The following LMX1B variants were observed in gnomAD, a reference collection of about 807,000 sequenced individuals.
LMX1B encodes LIM homeobox transcription factor 1-beta.
Under a neutral mutation model 51.4 loss-of-function variants are expected in LMX1B, and 12 were observed. The ratio of observed to expected loss-of-function variants is 0.23; its 90% confidence interval spans 0.15 to 0.38. The LOEUF is 0.38. Among genes scored for constraint, LMX1B ranks in the 10% least tolerant of loss-of-function variants. The pLI is 1.00. For missense variants in LMX1B, 445 were observed against 571.1 expected, an observed-to-expected ratio of 0.78 and a Z score of 2.25; for synonymous variants, 237 against 235.4, an observed-to-expected ratio of 1.01 and a Z score of -0.06.
chr9:126,644,126 G>A (rs1340624824), intron 2 of LMX1B, among the ~76,000 whole-genome samples: 1 of 152,118 alleles, frequency 6.6e-6, no homozygotes, highest in Non-Finnish European at 1.5e-5. Flanking sequence ...GCCAGGTAAC[G>A]GGGCTGGTGG....
intron 2 of LMX1B, among the ~76,000 whole-genome samples, chr9:126,639,081 A>G (rs577603334): frequency 2.0e-5 from 3 of 146,490 alleles, no homozygotes; most frequent in African/African-American, 7.6e-5. Context: ...AGAATTGGAG[A>G]GGAGAGAAGA....
chr9:126,614,484 G>A lies in LMX1B; in HGVS notation c.35G>A (p.Arg12Lys). Reference sequence around the variant, plus strand: ...GCAACAGGTCCCGAGTCGCTGGAGAGGTGCTTCCCTCGCGGGCAGACGGAC... The same window carrying A: ...GCAACAGGTCCCGAGTCGCTGGAGAAGTGCTTCCCTCGCGGGCAGACGGAC... ...DIATGPESLE[R>K]CFPRGQTDCA... is the part of the protein sequence containing the mutation. The change falls in exon 1 of 8, where the codon AGG (arginine) becomes AAG (lysine). Residue 12 changes from arginine (R) to lysine (K), a missense_variant. Transcript: ENST00000373474. The A allele has an allele frequency of 2.5e-6, 4 of 1,599,402 alleles. No individual in the cohort carries two copies. Among genetic ancestry groups the A allele is most frequent in the Non-Finnish European group, 3.4e-6 (4 of 1,173,788 alleles).
chr9:126,644,163 G>T (rs377247593), intron 2 of LMX1B, among the ~76,000 whole-genome samples: 1 of 152,130 alleles, frequency 6.6e-6, no homozygotes, highest in South Asian at 2.1e-4. Flanking sequence ...CCGGGTCCTC[G>T]GTGTCCTGTG....
chr9:126,662,034 G>T (rs1836257492), intron 2 of LMX1B, among the ~76,000 whole-genome samples: 1 of 152,302 alleles, frequency 6.6e-6, no homozygotes, highest in Admixed American at 6.5e-5. Context: ...ACACCTGCGG[G>T]GCAGCCGAGC....
intron 2 of LMX1B, among the ~76,000 whole-genome samples, chr9:126,684,096 G>A (rs1836727314): frequency 6.6e-6 from 1 of 152,080 alleles, no homozygotes; most frequent in African/African-American, 2.4e-5. Flanking sequence ...GGTGTAGCCG[G>A]TGGGAACAGA....
chr9:126,692,798 G>A (rs1448340426), intron 3 of LMX1B, among the ~76,000 whole-genome samples: 2 of 152,268 alleles, frequency 1.3e-5, no homozygotes, highest in African/African-American at 4.8e-5. Context: ...CTGAAAGTGT[G>A]TGCAGCCACA....
chr9:126,672,968 G>A (rs904139234), intron 2 of LMX1B, among the ~76,000 whole-genome samples: 8 of 152,206 alleles, frequency 5.3e-5, no homozygotes, highest in Admixed American at 3.9e-4. Flanking sequence ...TGCGCCTCTC[G>A]CCGCCCACCT....
At position 126,696,359 on chromosome 9, in the gene LMX1B, C is replaced by G. The variant is rs756471279; in HGVS notation, c.1117C>G (p.Leu373Val). The G allele has an allele frequency of 6.8e-6, 11 of 1,614,128 alleles. No individual in the cohort carries two copies. Among genetic ancestry groups the G allele is most frequent in the Middle Eastern group, 1.7e-4 (1 of 6,060 alleles). The change falls in exon 8 of 8, where the codon CTC becomes GTC. Residue 373 changes from leucine (L) to valine (V), a missense_variant. Coordinates refer to ENST00000373474, the MANE Select transcript of LMX1B (RefSeq NM_001174147.2). Reference sequence around the variant, plus strand: ...CTTAACCAGCCTCAGCGACTGCTTCCTCGGCTCCTCAGACGTGGGCTCCCT... The same window carrying G: ...CTTAACCAGCCTCAGCGACTGCTTCGTCGGCTCCTCAGACGTGGGCTCCCT... ...TSLTSLSDCFLGSSDVGSLQA... is the reference protein window; with the variant it reads ...TSLTSLSDCFVGSSDVGSLQA...
At position 126,615,503 on chromosome 9, in the gene LMX1B, A is replaced by G; in HGVS notation, c.260A>G (p.Gln87Arg). ...GAGTGTTTGCAGTGCGCGGCGTGTC[A>G]GCAAGCCCTCACCACCAGCTGCTAC... ...HEECLQCAAC[Q>R]QALTTSCYFR... Residue 87 changes from glutamine to arginine, a missense_variant, in exon 2 of 8, where the codon CAG (glutamine) becomes CGG (arginine). By Grantham distance (43) the Gln-to-Arg change is conservative. This residue lies in a region of LMX1B where 273 missense variants were observed against 343.3 expected (regional missense o/e 0.80). Transcript: ENST00000373474. This position sits in a 1 kb window ranked among gnomAD's most constrained non-coding sequence, Gnocchi z 6.0. 6.2e-7 allele frequency: 1 copy of G among 1,611,906 alleles called. No homozygotes were observed. The highest frequency in any genetic ancestry group is 2.2e-5 in the East Asian group (1 of 44,720).
intron 3 of LMX1B, among the ~76,000 whole-genome samples, chr9:126,692,859 A>T (rs1251115799): frequency 1.3e-5 from 2 of 152,194 alleles, no homozygotes; most frequent in Non-Finnish European, 2.9e-5. Context: ...CACCTGTGTG[A>T]GTTCCTGTGC....
At chr9:126,632,334 T>G (rs1292545977) in intron 2 of LMX1B, among the ~76,000 whole-genome samples, 1 of 151,780 alleles carries the variant, frequency 6.6e-6, no homozygotes, top group African/African-American at 2.4e-5. Flanking sequence ...TTGGGAGGAT[T>G]TGGGGAGGGC....
At position 126,615,519 on chromosome 9, in the gene LMX1B, C is replaced by T. The variant is rs1465214386; in HGVS notation, c.276C>T (p.Thr92=). The T allele has an allele frequency of 1.2e-6, 2 of 1,611,750 alleles. No homozygotes were observed. The highest frequency in any genetic ancestry group is 1.7e-5 in the Admixed American group (1 of 59,842). The part of the protein sequence containing the change: ...QCAACQQALT[T]SCYFRDRKLY... Reference sequence around the variant, plus strand: ...CGGCGTGTCAGCAAGCCCTCACCACCAGCTGCTACTTCCGGGATCGGAAAC... The same window carrying T: ...CGGCGTGTCAGCAAGCCCTCACCACTAGCTGCTACTTCCGGGATCGGAAAC... Residue 92 remains threonine, a synonymous_variant, in exon 2 of 8, where the codon ACC becomes ACT. Transcript: ENST00000373474. The surrounding 1 kb of genome is among the most constrained non-coding windows in gnomAD (Gnocchi z 6.0).
chr9:126,667,159 A>G (rs1022390260), intron 2 of LMX1B, among the ~76,000 whole-genome samples: 2 of 152,172 alleles, frequency 1.3e-5, no homozygotes, highest in Non-Finnish European at 2.9e-5. Context: ...GGCCTTTCCT[A>G]CAACATAGGA....
At chr9:126,680,732 C>T (rs2118965453) in intron 2 of LMX1B, among the ~76,000 whole-genome samples, 1 of 152,188 alleles carries the variant, frequency 6.6e-6, no homozygotes, top group Middle Eastern at 3.4e-3. Flanking sequence ...ACCAAATCAT[C>T]AAATGTATTG....
rs920121666 is a variant in LMX1B at position 126,671,208 on chromosome 9, G to T, written c.327-19628G>T. On this transcript the variant is annotated intron_variant, in intron 2 of 7. Coordinates refer to ENST00000373474, the MANE Select transcript of LMX1B (RefSeq NM_001174147.2). The surrounding 1 kb of genome is among the most constrained non-coding windows in gnomAD (Gnocchi z 4.4). ...CCCAGCTCTGCTTCGCCACCGCCGA[G>T]CTCTGAGCTGGGGGGAGGGGACCCC... 3.3e-5 allele frequency among the ~76,000 whole-genome samples: 5 copies of T among 152,244 alleles called. No individual in the cohort carries two copies. Among genetic ancestry groups the T allele is most frequent in the African/African-American group, 1.2e-4 (5 of 41,462 alleles).
intron 2 of LMX1B, among the ~76,000 whole-genome samples, chr9:126,656,433 A>AGATAGAT (rs1564156995): frequency 2.1e-5 from 3 of 146,328 alleles, no homozygotes; most frequent in Admixed American, 6.9e-5. Flanking sequence ...ATAGATAGAT[A>AGATAGAT]GATAGGATAG....
intron 2 of LMX1B, among the ~76,000 whole-genome samples, chr9:126,681,939 C>T (rs1475471188): frequency 2.0e-5 from 3 of 151,430 alleles, no homozygotes; most frequent in Non-Finnish European, 4.4e-5. Context: ...AAATGCCAAT[C>T]AGATCACACC....
In LMX1B at chr9:126,695,701, TG is replaced by T; in HGVS notation, c.887-134del. The T allele has an allele frequency of 1.1e-6, 1 of 904,668 alleles. No individual in the cohort carries two copies. The highest frequency in any genetic ancestry group is 1.7e-6 in the Non-Finnish European group (1 of 577,540). 56.0% of individuals were successfully genotyped at this position (904,668 alleles called of 1,614,324 possible). ...TGGAGTGTGCACCTGGGGAAGGGGC[TG>T]GGGAGTCAGTGTCTGGACAGCTTCA... On this transcript the variant is annotated intron_variant, in intron 6 of 7. Coordinates refer to ENST00000373474, the MANE Select transcript of LMX1B (RefSeq NM_001174147.2). This position sits in a 1 kb window ranked among gnomAD's most constrained non-coding sequence, Gnocchi z 5.2.
intron 2 of LMX1B, among the ~76,000 whole-genome samples, chr9:126,630,811 A>T (rs926919834): frequency 6.6e-6 from 1 of 152,252 alleles, no homozygotes; most frequent in Non-Finnish European, 1.5e-5. Context: ...CCTGCCCAGG[A>T]TAGTGGAAGT....
Sources: gnomAD v4.1 joint callset for allele counts (sites outside exome capture counted in the v4.1 genomes callset) on GRCh38, gnomAD v4.1.1 for gene constraint, gnomAD v4.1.1 regional missense constraint, Gnocchi (gnomAD v3.1) non-coding constraint, MANE v1.5 for transcripts, NCBI Gene and HGNC (gene_info 2026-07-23, HGNC 2026-07-21) for gene names.